Variants in SLC15A5 observed in about 807,000 individuals in gnomAD.
SLC15A5 encodes the protein Peptide/histidine transporter ENSP00000340402.
A neutral mutation model predicts 56.1 loss-of-function variants in SLC15A5; 58 were observed. The observed-to-expected ratio is 1.03, with a 90% CI of 0.84 to 1.29. The LOEUF (loss-of-function observed/expected upper bound fraction) is 1.29. Ranked by LOEUF, SLC15A5 falls within the 50% of genes most tolerant of loss-of-function variation. SLC15A5 has a pLI of 0.00. For synonymous variants in SLC15A5, 264 were observed against 250.5 expected (o/e 1.05, Z -0.51); for missense variants, 681 against 672.1 (o/e 1.01, Z -0.15).
intron 7 of SLC15A5, among the ~76,000 whole-genome samples, chr12:16,212,710 A>C (rs1287535826): frequency 1.3e-5 from 2 of 152,150 alleles, no homozygotes; most frequent in African/African-American, 4.8e-5. Flanking sequence ...CCAATTCAAA[A>C]ATTTTATCAA....
chr12:16,218,661 AT>A (rs1159674736), intron 6 of SLC15A5, among the ~76,000 whole-genome samples: 1 of 152,168 alleles, frequency 6.6e-6, no homozygotes, highest in Non-Finnish European at 1.5e-5. Context: ...CAGAAATAGT[AT>A]AGTAAAATAT....
intron 1 of SLC15A5, among the ~76,000 whole-genome samples, chr12:16,273,519 A>G (rs1291519575): frequency 6.6e-6 from 1 of 152,040 alleles, no homozygotes; most frequent in Non-Finnish European, 1.5e-5. Context: ...ATACAATTCC[A>G]TGCTTTTGCT....
chr12:16,195,042 A>G (rs1482629696), intron 7 of SLC15A5, among the ~76,000 whole-genome samples: 2 of 152,056 alleles, frequency 1.3e-5, no homozygotes, highest in Non-Finnish European at 2.9e-5. Flanking sequence ...TTTTCACCTA[A>G]TAAGTAAATT....
intron 1 of SLC15A5, among the ~76,000 whole-genome samples, chr12:16,273,991 A>C (rs1183300342): frequency 6.6e-6 from 1 of 150,788 alleles, no homozygotes; most frequent in Non-Finnish European, 1.5e-5. Context: ...TTACTTAAAT[A>C]AATTGAGGTT....
chr12:16,245,441 C>T (rs910270892), intron 3 of SLC15A5, among the ~76,000 whole-genome samples: 2 of 152,186 alleles, frequency 1.3e-5, no homozygotes, highest in East Asian at 1.9e-4. Context: ...TGTTGCTGCA[C>T]GATCAGAAGC....
chr12:16,269,801 A>C lies in SLC15A5; in HGVS notation c.584+2760T>G, dbSNP rs560613796. ...GTGATATGCAGATAGGATGCAAATTATCAGGTGAAGAAAGTAGAGAAATGC... is the reference window on the plus strand; with the variant it reads ...GTGATATGCAGATAGGATGCAAATTCTCAGGTGAAGAAAGTAGAGAAATGC... On this transcript the variant is annotated intron_variant, in intron 2 of 8. Transcript: ENST00000344941. This position sits in a 1 kb window ranked among gnomAD's most constrained non-coding sequence, Gnocchi z 4.7. 2.3e-4 allele frequency among the ~76,000 whole-genome samples: 35 copies of C among 152,360 alleles called. No homozygotes were observed. The South Asian group carries it at 6.6e-3, about 29-fold the overall frequency.
intron 2 of SLC15A5, among the ~76,000 whole-genome samples, chr12:16,262,375 TGCCTCTTCAGACTGGTA>T (rs1313624151): frequency 6.6e-6 from 1 of 152,234 alleles, no homozygotes; most frequent in Non-Finnish European, 1.5e-5. Flanking sequence ...AATGTTGTCC[TGCCTCTTCAGACTGGTA>T]GTCCAAAGAC....
intron 6 of SLC15A5, among the ~76,000 whole-genome samples, chr12:16,221,145 G>A (rs762456637): frequency 5.9e-5 from 9 of 152,060 alleles, no homozygotes; most frequent in Non-Finnish European, 7.4e-5. Flanking sequence ...AGAAATAGCC[G>A]TAGACTTCAT....
intron 2 of SLC15A5, among the ~76,000 whole-genome samples, chr12:16,264,517 A>T (rs1461972657): frequency 6.6e-6 from 1 of 151,950 alleles, no homozygotes; most frequent in Non-Finnish European, 1.5e-5. Flanking sequence ...ACTTTGGGGG[A>T]CTGTTGGGAA....
Position 16,196,278 on chromosome 12 carries a change from G to A in SLC15A5, c.1484-1825C>T, listed in dbSNP as rs561456769. 6.6e-6 allele frequency among the ~76,000 whole-genome samples: 1 copy of A among 152,050 alleles called. No individual in the cohort carries two copies. The highest frequency in any genetic ancestry group is 2.4e-5 in the African/African-American group (1 of 41,416). ...TTATTGCTACAGTTACATGATGCCT[G>A]TATCTGGTGTTTAGATGAGTAAATG... is the stretch of plus-strand genomic sequence containing the variant. On this transcript the variant is annotated intron_variant, in intron 7 of 8. Transcript: ENST00000344941. The surrounding 1 kb of genome is among the most constrained non-coding windows in gnomAD (Gnocchi z 4.0).
chr12:16,236,572 G>T lies in SLC15A5; in HGVS notation c.1162+3109C>A, dbSNP rs1481866553. ...TATGAGCTAGATAAAAAAGTAAGTT[G>T]ATTTTTTCTTTATAAATTTCTAGTT... On this transcript the variant is annotated intron_variant, in intron 5 of 8. Coordinates refer to ENST00000344941, the MANE Select transcript of SLC15A5 (RefSeq NM_001170798.1). Among the ~76,000 whole-genome samples the T allele has an allele frequency of 2.0e-5, 3 of 152,132 alleles. No individual in the cohort carries two copies. In the East Asian group the frequency reaches 5.8e-4, roughly 29 times the overall value.
chr12:16,244,196 A>G (rs1864439585), intron 4 of SLC15A5, among the ~76,000 whole-genome samples: 1 of 152,164 alleles, frequency 6.6e-6, no homozygotes, highest in African/African-American at 2.4e-5. Context: ...GCTACTCGTT[A>G]GTACCACTTT....
rs1555173553 is a variant in SLC15A5, at chr12:16,259,900, G to GGGT, written c.585-2031_585-2030insACC. ...GCTGTACCCAGCTGACACCACCCGG[G>GGGT]CGGGGGGTAAGTTAGAGCACTTCCA... On this transcript the variant is annotated intron_variant, in intron 2 of 8. Transcript: ENST00000344941. 5.0e-3 allele frequency among the ~76,000 whole-genome samples: 750 copies of GGGT among 151,080 alleles called. 27 individuals carry two copies. Among genetic ancestry groups the GGGT allele is most frequent in the Admixed American group, 0.046 (690 of 15,148 alleles).
intron 5 of SLC15A5, among the ~76,000 whole-genome samples, chr12:16,232,535 G>T (rs1238827470): frequency 6.6e-6 from 1 of 152,132 alleles, no homozygotes; most frequent in African/African-American, 2.4e-5. Context: ...AGTACAATAA[G>T]ATGAAATTTT....
At chr12:16,227,926 T>C (rs1039403226) in intron 5 of SLC15A5, among the ~76,000 whole-genome samples, 1 of 152,114 alleles carries the variant, frequency 6.6e-6, no homozygotes, top group Admixed American at 6.6e-5. Flanking sequence ...CTTCCACTTC[T>C]GGAAAATATA....
rs1864164773 is a variant in SLC15A5, at chr12:16,219,475, A to G, written c.1352-2451T>C. Among the ~76,000 whole-genome samples the G allele has an allele frequency of 2.0e-5, 3 of 152,184 alleles. No homozygotes were observed. The South Asian group carries it at 6.2e-4, about 32-fold the overall frequency. ...AAGAGTAAGTAGGCCTATTTCTTTC[A>G]CTAAGAAAAAGCAGAACATACAAGC... On this transcript the variant is annotated intron_variant, in intron 6 of 8. Transcript: ENST00000344941.
intron 3 of SLC15A5, among the ~76,000 whole-genome samples, chr12:16,249,305 C>T (rs935250002): frequency 3.3e-5 from 5 of 152,060 alleles, no homozygotes; most frequent in Non-Finnish European, 5.9e-5. Flanking sequence ...TTAAGGTCAC[C>T]TGTGGCTTTG....
intron 2 of SLC15A5, among the ~76,000 whole-genome samples, chr12:16,263,465 T>G (rs1456036692): frequency 1.3e-5 from 2 of 152,148 alleles, no homozygotes; most frequent in Non-Finnish European, 2.9e-5. Flanking sequence ...TTTGGAAAAT[T>G]TGCAGCCTGA....
At chr12:16,207,601 G>A (rs1374133843) in intron 7 of SLC15A5, among the ~76,000 whole-genome samples, 1 of 151,716 alleles carries the variant, frequency 6.6e-6, no homozygotes, top group Non-Finnish European at 1.5e-5. Context: ...CACTCTTCAT[G>A]ATCACCAACA....
Sources: gnomAD v4.1 joint callset for allele counts (sites outside exome capture counted in the v4.1 genomes callset) on GRCh38, gnomAD v4.1.1 for gene constraint, Gnocchi (gnomAD v3.1) non-coding constraint, MANE v1.5 for transcripts, NCBI Gene and HGNC (gene_info 2026-07-23, HGNC 2026-07-21) for gene names.